The following MRPS31 variants were observed in gnomAD, a reference collection of about 807,000 sequenced individuals.
MRPS31 encodes mitochondrial ribosomal protein S31.
Under a neutral mutation model 43.1 loss-of-function variants are expected in MRPS31, and 32 were observed. The observed-to-expected ratio is 0.74, with a 90% CI of 0.56 to 1.00. The LOEUF (loss-of-function observed/expected upper bound fraction) is 1.00, where lower values mean the gene tolerates loss of function less well. Ranked by LOEUF, MRPS31 falls within the 50% of genes least tolerant of loss-of-function variation. The pLI is 0.00. For missense variants in MRPS31, 437 were observed against 466.7 expected, an observed-to-expected ratio of 0.94 and a Z score of 0.59; for synonymous variants, 165 against 161.6, an observed-to-expected ratio of 1.02 and a Z score of -0.16.
intron 5 of MRPS31, among the ~76,000 whole-genome samples, chr13:40,749,976 A>G (rs1238089054): frequency 6.6e-6 from 1 of 152,186 alleles, no homozygotes; most frequent in African/African-American, 2.4e-5. Flanking sequence ...AAAAGTTAAA[A>G]TATATCTATT....
chr13:40,751,627 T>C (rs1325365597), intron 5 of MRPS31, among the ~76,000 whole-genome samples: 1 of 152,192 alleles, frequency 6.6e-6, no homozygotes, highest in Non-Finnish European at 1.5e-5. Flanking sequence ...ATTCAATCAG[T>C]CAATAAAAAA....
At chr13:40,760,273 G>A (rs1880659118) in intron 2 of MRPS31, among the ~76,000 whole-genome samples, 1 of 151,636 alleles carries the variant, frequency 6.6e-6, no homozygotes, top group Non-Finnish European at 1.5e-5. Flanking sequence ...AGGTAAAAAT[G>A]AAAAATGTAG....
At chr13:40,737,392 A>G (rs1314255912) in intron 6 of MRPS31, among the ~76,000 whole-genome samples, 2 of 152,110 alleles carry the variant, frequency 1.3e-5, no homozygotes, top group African/African-American at 2.4e-5. Context: ...AAAGTCAACA[A>G]GGATACCCAG....
At chr13:40,739,621 C>G (rs905763341) in intron 6 of MRPS31, among the ~76,000 whole-genome samples, 2 of 152,112 alleles carry the variant, frequency 1.3e-5, no homozygotes, top group African/African-American at 4.8e-5. Flanking sequence ...ACAGAGCCCT[C>G]AGAAGTAACG....
chr13:40,732,954 T>A (rs1879743765), intron 6 of MRPS31, among the ~76,000 whole-genome samples: 1 of 142,426 alleles, frequency 7.0e-6, no homozygotes, highest in African/African-American at 2.6e-5. Flanking sequence ...GGAAAAAAAA[T>A]CTAACACTAA....
At chr13:40,749,570 G>A (rs1401668391) in intron 5 of MRPS31, 2 of 195,452 alleles carry the variant, frequency 1.0e-5, no homozygotes, top group East Asian at 1.2e-4. Flanking sequence ...TTTTATGAAT[G>A]TGAATGTTTT....
chr13:40,760,010 T>C (rs1271532636), intron 2 of MRPS31, among the ~76,000 whole-genome samples: 9 of 151,802 alleles, frequency 5.9e-5, no homozygotes, highest in Non-Finnish European at 1.2e-4. Flanking sequence ...CAGCACATGC[T>C]TGTAAAATCC....
chr13:40,762,225 CTG>C (rs985618050), intron 2 of MRPS31, among the ~76,000 whole-genome samples: 2 of 152,050 alleles, frequency 1.3e-5, no homozygotes, highest in African/African-American at 4.8e-5. Context: ...GAGCAAGACT[CTG>C]TATCAAAAAA....
At chr13:40,733,275 A>G (rs2137991517) in intron 6 of MRPS31, among the ~76,000 whole-genome samples, 1 of 152,224 alleles carries the variant, frequency 6.6e-6, no homozygotes, top group South Asian at 2.1e-4. Flanking sequence ...AAGTGCTGGG[A>G]TCACAGGTGT....
intron 2 of MRPS31, among the ~76,000 whole-genome samples, chr13:40,762,265 T>C (rs1880719844): frequency 6.6e-6 from 1 of 152,116 alleles, no homozygotes; most frequent in Non-Finnish European, 1.5e-5. Context: ...ATTTGTGGAA[T>C]TTGAAGGATA....
intron 1 of MRPS31, among the ~76,000 whole-genome samples, chr13:40,770,018 G>A (rs1431039266): frequency 2.6e-5 from 4 of 152,112 alleles, no homozygotes; most frequent in Non-Finnish European, 5.9e-5. Flanking sequence ...GGTATTTGTT[G>A]TTTTCTAAAA....
chr13:40,757,865 G>A (rs147728899), intron 3 of MRPS31, among the ~76,000 whole-genome samples: 75 of 150,868 alleles, frequency 5.0e-4, no homozygotes, highest in Middle Eastern at 3.5e-3. Context: ...TCCCAAGGCC[G>A]GGTGCAGTGG....
chr13:40,767,184 T>G (rs1417249538), intron 1 of MRPS31, 151 bp from the exon 2 acceptor site: 2 of 668,996 alleles, frequency 3.0e-6, no homozygotes, highest in Non-Finnish European at 4.7e-6. Context: ...TGAGACGGAG[T>G]TTCGCTCTTG....
rs867255748 is a variant in MRPS31 at position 40,759,322 on chromosome 13, C to T, written c.441-216G>A. 3.9e-5 allele frequency among the ~76,000 whole-genome samples: 6 copies of T among 151,948 alleles called. No individual in the cohort carries two copies. The East Asian group carries it at 5.8e-4, about 15-fold the overall frequency. On this transcript the variant is annotated intron_variant, in intron 2 of 6. Transcript: ENST00000323563. The stretch of plus-strand genomic sequence containing the variant: ...CGTGGTGGCGCACGCCTGTAAGTGC[C>T]GGCTACTCGGGAGGCTGAGGCAAGA...
At chr13:40,729,957 T>C (rs1879630582) in intron 6 of MRPS31, among the ~76,000 whole-genome samples, 1 of 151,930 alleles carries the variant, frequency 6.6e-6, no homozygotes, top group African/African-American at 2.4e-5. Flanking sequence ...CTCGAACTCC[T>C]GACCTCAAGT....
rs1315350004 is a variant in MRPS31 at position 40,745,561 on chromosome 13, TA to T, written c.958+3576del. Among the ~76,000 whole-genome samples, 8 of 152,328 alleles carry T rather than the reference TA, an allele frequency of 5.3e-5. No homozygotes were observed. The East Asian group carries it at 1.2e-3, about 22-fold the overall frequency. ...GCCACCACGCCCAGCCAAGAATTTTTAATATGTATTTTGTATACCTGTCTTT... is the reference window on the plus strand; with the variant it reads ...GCCACCACGCCCAGCCAAGAATTTTTATATGTATTTTGTATACCTGTCTTT... On this transcript the variant is annotated intron_variant, in intron 6 of 6. Coordinates refer to ENST00000323563, the MANE Select transcript of MRPS31 (RefSeq NM_005830.4).
intron 4 of MRPS31, 114 bp downstream of exon 4, chr13:40,756,759 A>G (rs1485107083): frequency 8.5e-7 from 1 of 1,173,842 alleles, no homozygotes; most frequent in Non-Finnish European, 1.2e-6. Flanking sequence ...AAATGTATTC[A>G]TAATGTTCAG....
chr13:40,741,500 C>T (rs1280911400), intron 6 of MRPS31, among the ~76,000 whole-genome samples: 1 of 152,086 alleles, frequency 6.6e-6, no homozygotes, highest in African/African-American at 2.4e-5. Context: ...GATTTGTAAT[C>T]TGGTTATCAA....
intron 6 of MRPS31, 137 bp from the exon 7 acceptor site, chr13:40,729,738 T>C (rs1373230265): frequency 1.6e-6 from 1 of 632,470 alleles, no homozygotes; most frequent in African/African-American, 1.8e-5. Context: ...GCATTTTTTT[T>C]TTTTTTTTGA....
Sources: gnomAD v4.1 joint callset for allele counts (sites outside exome capture counted in the v4.1 genomes callset) on GRCh38, gnomAD v4.1.1 for gene constraint, MANE v1.5 for transcripts, NCBI Gene and HGNC (gene_info 2026-07-23, HGNC 2026-07-21) for gene names.